GRM8: variants seen among roughly 807,000 people sequenced by gnomAD.
GRM8 encodes the protein metabotropic glutamate receptor 8.
GRM8 carries 47 observed loss-of-function variants against 87.2 expected under a neutral mutation model. The observed-to-expected ratio is 0.54, with a 90% CI of 0.43 to 0.69. The LOEUF (loss-of-function observed/expected upper bound fraction) is 0.69, where lower values mean the gene tolerates loss of function less well. GRM8 is among the 30% of genes least tolerant of loss of function. The pLI is 0.00. For synonymous variants in GRM8, 396 were observed against 404.5 expected, an observed-to-expected ratio of 0.98 and a Z score of 0.25; for missense variants, 1,019 against 1,139.2, an observed-to-expected ratio of 0.89 and a Z score of 1.52.
At chr7:126,714,280 A>ATAATAT (rs1811467357) in intron 7 of GRM8, among the ~76,000 whole-genome samples, 1 of 25,030 alleles carries the variant, frequency 4.0e-5, no homozygotes, top group Non-Finnish European at 8.1e-5. Flanking sequence ...TCCATCTCAA[A>ATAATAT]TAATAATAAT....
intron 9 of GRM8, among the ~76,000 whole-genome samples, chr7:126,487,740 G>A (rs533454088): frequency 2.4e-4 from 37 of 151,828 alleles, no homozygotes; most frequent in African/African-American, 7.7e-4. Context: ...TGTTAATATC[G>A]TCACCAATCT....
intron 7 of GRM8, among the ~76,000 whole-genome samples, chr7:126,760,620 T>A (rs760145940): frequency 5.9e-5 from 9 of 152,134 alleles, no homozygotes; most frequent in African/African-American, 1.9e-4. Context: ...TATAAATTTT[T>A]AAAAAGTGAA....
At chr7:127,215,753 T>C (rs1469181266) in intron 2 of GRM8, among the ~76,000 whole-genome samples, 1 of 152,226 alleles carries the variant, frequency 6.6e-6, no homozygotes, top group Admixed American at 6.5e-5. Flanking sequence ...CTATTCTTCA[T>C]AATACTAGAA....
intron 6 of GRM8, among the ~76,000 whole-genome samples, chr7:126,845,692 G>T (rs995170736): frequency 6.6e-6 from 1 of 152,148 alleles, no homozygotes; most frequent in Non-Finnish European, 1.5e-5. Flanking sequence ...TTGTATCTTT[G>T]TTGGGAACTT....
At chr7:126,613,388 G>C (rs1799114827) in intron 7 of GRM8, among the ~76,000 whole-genome samples, 1 of 152,094 alleles carries the variant, frequency 6.6e-6, no homozygotes, top group Non-Finnish European at 1.5e-5. Context: ...ATATAACTTT[G>C]ACAGAGTGGG....
intron 3 of GRM8, among the ~76,000 whole-genome samples, chr7:126,946,061 T>A (rs1211509963): frequency 3.3e-5 from 5 of 152,262 alleles, no homozygotes; most frequent in African/African-American, 4.8e-5. Flanking sequence ...GCATTCTTCC[T>A]TCTGATTCTG....
chr7:126,693,652 G>A (rs1809055456), intron 7 of GRM8, among the ~76,000 whole-genome samples: 1 of 151,930 alleles, frequency 6.6e-6, no homozygotes, highest in African/African-American at 2.4e-5. Flanking sequence ...TACTTCTTAG[G>A]GTAAAATTCT....
chr7:126,844,707 C>G (rs140187356), intron 6 of GRM8, among the ~76,000 whole-genome samples: 1 of 152,180 alleles, frequency 6.6e-6, no homozygotes, highest in Non-Finnish European at 1.5e-5. Context: ...AGCTCTCTTT[C>G]TGGTTTGCAA....
At chr7:126,858,345 C>T (rs1797862155) in intron 6 of GRM8, among the ~76,000 whole-genome samples, 1 of 152,156 alleles carries the variant, frequency 6.6e-6, no homozygotes, top group Admixed American at 6.5e-5. Context: ...TCCTATTTCT[C>T]TTACAGAAAA....
chr7:127,069,811 C>T (rs1035973214), intron 3 of GRM8, among the ~76,000 whole-genome samples: 2 of 152,186 alleles, frequency 1.3e-5, no homozygotes, highest in Admixed American at 6.5e-5. Flanking sequence ...AGTTTTGTAA[C>T]CTCTCTGAGA....
Position 127,243,520 on chromosome 7 carries a change from G to A in GRM8, c.-311-5C>T. The A allele has an allele frequency of 3.2e-6, 1 of 309,286 alleles. No homozygotes were observed. Among genetic ancestry groups the A allele is most frequent in the African/African-American group, 2.2e-5 (1 of 46,270 alleles). 19.2% of individuals were successfully genotyped at this position (309,286 alleles called of 1,614,324 possible). On this transcript the variant is annotated splice_polypyrimidine_tract_variant and splice_region_variant and intron_variant, in intron 1 of 10. Transcript: ENST00000339582. ...AGCCTTGTAGCAGAATTATTCCTGG[G>A]AAGAGGGGAAAAAAGGGGGTTCAGT...
At chr7:126,725,246 C>T (rs1208106632) in intron 7 of GRM8, among the ~76,000 whole-genome samples, 1 of 152,178 alleles carries the variant, frequency 6.6e-6, no homozygotes, top group Non-Finnish European at 1.5e-5. Flanking sequence ...TAATCACGTA[C>T]ATAAATACAT....
chr7:126,455,932 C>T (rs573759914), intron 9 of GRM8, among the ~76,000 whole-genome samples: 48 of 151,182 alleles, frequency 3.2e-4, no homozygotes, highest in African/African-American at 1.1e-3. Context: ...AAAAATAGAT[C>T]CAATAGAGCT....
chr7:126,867,025 A>G (rs1798661766), intron 6 of GRM8, among the ~76,000 whole-genome samples: 1 of 152,182 alleles, frequency 6.6e-6, no homozygotes, highest in South Asian at 2.1e-4. Flanking sequence ...TTGGTATCAC[A>G]GCAATATTAG....
At chr7:126,661,577 T>G (rs1805181119) in intron 7 of GRM8, among the ~76,000 whole-genome samples, 1 of 152,170 alleles carries the variant, frequency 6.6e-6, no homozygotes, top group Admixed American at 6.5e-5. Context: ...TTGGTGATCA[T>G]GAGGAGCAAG....
intron 2 of GRM8, chr7:127,111,033 C>T (rs1411301744): frequency 1.3e-5 from 2 of 152,196 alleles, no homozygotes; most frequent in African/African-American, 2.4e-5. Context: ...GAAGTCCATG[C>T]TACTCACTGC....
intron 3 of GRM8, among the ~76,000 whole-genome samples, chr7:127,078,558 C>T (rs1428965231): frequency 2.0e-5 from 3 of 152,168 alleles, no homozygotes; most frequent in Admixed American, 6.5e-5. Flanking sequence ...TGATGATGCA[C>T]GGTACAGCCT....
At chr7:126,506,188 G>A (rs1434748573) in intron 9 of GRM8, among the ~76,000 whole-genome samples, 1 of 151,852 alleles carries the variant, frequency 6.6e-6, no homozygotes, top group East Asian at 1.9e-4. Flanking sequence ...TTTTAAGGCT[G>A]GATAAAATTC....
intron 3 of GRM8, among the ~76,000 whole-genome samples, chr7:126,908,803 G>A (rs2131273565): frequency 6.6e-6 from 1 of 152,230 alleles, no homozygotes; most frequent in East Asian, 1.9e-4. Context: ...GAATTTTCCT[G>A]GAAAGAGGCA....
Sources: allele counts gnomAD v4.1 joint callset (sites outside exome capture counted in the v4.1 genomes callset), GRCh38; gene constraint gnomAD v4.1.1; transcripts MANE v1.5; gene names NCBI Gene and HGNC (gene_info 2026-07-23, HGNC 2026-07-21).